NSD2: variants seen among roughly 807,000 people sequenced by gnomAD.
NSD2 encodes the protein histone-lysine N-methyltransferase NSD2.
Under a neutral mutation model 139.0 loss-of-function variants are expected in NSD2, and 12 were observed. The ratio of observed to expected loss-of-function variants is 0.09; its 90% CI spans 0.06 to 0.14. The LOEUF is 0.14. Ranked by LOEUF, NSD2 falls within the 10% of genes least tolerant of loss-of-function variation. The pLI, the probability that NSD2 is intolerant of heterozygous loss-of-function variation, is 1.00. For synonymous variants in NSD2, 669 were observed against 648.7 expected, an observed-to-expected ratio of 1.03 and a Z score of -0.48; for missense variants, 1,155 against 1,745.0, an observed-to-expected ratio of 0.66 and a Z score of 6.02.
intron 17 of NSD2, 94 bp from the exon 18 acceptor site, chr4:1,960,941 C>T: frequency 1.1e-6 from 1 of 904,632 alleles, no homozygotes; most frequent in South Asian, 1.5e-5. Context: ...TGTGTGGTGC[C>T]CGTTCTAAGT....
chr4:1,967,031 A>G (rs1373540140), intron 18 of NSD2, among the ~76,000 whole-genome samples: 2 of 152,218 alleles, frequency 1.3e-5, no homozygotes, highest in African/African-American at 4.8e-5. Flanking sequence ...CTTTAACTAG[A>G]TGGACTAGGA....
rs554492041 is a variant in NSD2, at chr4:1,979,474, G to C, written c.*565G>C. 1.3e-5 allele frequency: 3 copies of C among 233,098 alleles called. No individual in the cohort carries two copies. The highest frequency in any genetic ancestry group is 6.0e-5 in the East Asian group (1 of 16,588). The allele number at this position is 233,098 out of a possible 1,614,324, so 14.4% of individuals were successfully genotyped here. A position where few individuals can be genotyped will look rare whatever the true frequency, so the allele number is the denominator to read the frequency against. On this transcript the variant is annotated 3_prime_UTR_variant, in exon 22 of 22. Transcript: ENST00000508803. ...CTAATGTGAATTGTTCCTCAGAAAC[G>C]CTTCTTTTCCATCCTAGTGAGAAGC...
At position 1,981,235 on chromosome 4, in the gene NSD2, C is replaced by T. The variant is rs1156947763; in HGVS notation, c.*2326C>T. The T allele has an allele frequency of 1.7e-5, 4 of 233,130 alleles. No individual in the cohort carries two copies. Among genetic ancestry groups the T allele is most frequent in the African/African-American group, 4.4e-5 (2 of 45,316 alleles). The allele number at this position is 233,130 out of a possible 1,614,324, so 14.4% of individuals were successfully genotyped here. On this transcript the variant is annotated 3_prime_UTR_variant, in exon 22 of 22. Transcript: ENST00000508803. ...AACTGTTAAACTAATGAGCAAGTAA[C>T]ACTAACTTTGAATGTCTCTACAATA... is the stretch of plus-strand genomic sequence containing the variant.
chr4:1,950,893 T>A (rs1436784928), intron 9 of NSD2, among the ~76,000 whole-genome samples, 179 bp from the exon 10 acceptor site: 1 of 152,216 alleles, frequency 6.6e-6, no homozygotes, highest in African/African-American at 2.4e-5. Flanking sequence ...AATTGACGGG[T>A]TATATTATCA....
chr4:1,958,597 T>TCGTGGC lies in NSD2; in HGVS notation c.2985+565_2985+570dup, dbSNP rs1470753813. ...GCGGCAAGCCGCATCCCCAGGAGCC[T>TCGTGGC]CGTGGCCGTTCCTGACGAGTGTTTG... On this transcript the variant is annotated intron_variant, in intron 16 of 21. Coordinates refer to ENST00000508803, the MANE Select transcript of NSD2 (RefSeq NM_001042424.3). The surrounding 1 kb of genome is among the most constrained non-coding windows in gnomAD (Gnocchi z 4.6). 3.9e-5 allele frequency among the ~76,000 whole-genome samples: 6 copies of TCGTGGC among 152,354 alleles called. No individual in the cohort carries two copies. The East Asian group carries it at 1.2e-3, about 29-fold the overall frequency.
intron 1 of NSD2, chr4:1,893,783 G>A (rs1715867327): frequency 6.6e-6 from 1 of 152,256 alleles, no homozygotes; most frequent in South Asian, 2.1e-4. Flanking sequence ...GAGCTCAAGC[G>A]ATCTACCTGC....
Position 1,979,127 on chromosome 4 carries a change from T to G in NSD2, c.*218T>G. The stretch of plus-strand genomic sequence containing the variant: ...TGACCGTCTGAGCCCAGCTCAGCGT[T>G]CCTGGACAAACAGCCTCACTCCTCA... On this transcript the variant is annotated 3_prime_UTR_variant, in exon 22 of 22. Transcript: ENST00000508803. 2.1e-6 allele frequency: 1 copy of G among 483,930 alleles called. No individual in the cohort carries two copies. The highest frequency in any genetic ancestry group is 6.2e-5 in the South Asian group (1 of 16,100). The allele number at this position is 483,930 out of a possible 1,614,324, so 30.0% of individuals were successfully genotyped here.
At chr4:1,921,610 C>T (rs563055316) in intron 5 of NSD2, among the ~76,000 whole-genome samples, 8 of 151,894 alleles carry the variant, frequency 5.3e-5, no homozygotes, top group African/African-American at 1.4e-4. Flanking sequence ...GGTGAAACCC[C>T]GTCTCTACTA....
rs375999450 is a variant in NSD2, at chr4:1,898,480, C to T, written c.-29-2146C>T. Among the ~76,000 whole-genome samples the T allele has an allele frequency of 5.8e-3, 875 of 152,018 alleles. 6 individuals are homozygous for T. The highest frequency in any genetic ancestry group is 0.017 in the African/African-American group (695 of 41,482). ...GAGATCGAGACCATCCTGGGTAACACGGTGAAACCCCGTCTCTACTAAAAA... is the reference window on the plus strand; with the variant it reads ...GAGATCGAGACCATCCTGGGTAACATGGTGAAACCCCGTCTCTACTAAAAA... On this transcript the variant is annotated intron_variant, in intron 1 of 21. Coordinates refer to ENST00000508803, the MANE Select transcript of NSD2 (RefSeq NM_001042424.3).
At position 1,981,252 on chromosome 4, in the gene NSD2, T is replaced by C. The variant is rs1038986134; in HGVS notation, c.*2343T>C. The C allele has an allele frequency of 4.3e-6, 1 of 233,330 alleles. No homozygotes were observed. The highest frequency in any genetic ancestry group is 6.0e-5 in the East Asian group (1 of 16,588). The allele number at this position is 233,330 out of a possible 1,614,324, so 14.5% of individuals were successfully genotyped here. A position where few individuals can be genotyped will look rare whatever the true frequency, so the allele number is the denominator to read the frequency against. On this transcript the variant is annotated 3_prime_UTR_variant, in exon 22 of 22. Coordinates refer to ENST00000508803, the MANE Select transcript of NSD2 (RefSeq NM_001042424.3). ...GCAAGTAACACTAACTTTGAATGTC[T>C]CTACAATACCCGTTGATAACTCAGT...
chr4:1,940,319 G>C, intron 9 of NSD2: 1 of 1,071,458 alleles, frequency 9.3e-7, no homozygotes, highest in African/African-American at 1.6e-5. Flanking sequence ...TGAGTGTTGA[G>C]GTGAGTCAGA....
chr4:1,898,557 A>G (rs1416917481), intron 1 of NSD2, among the ~76,000 whole-genome samples: 5 of 151,270 alleles, frequency 3.3e-5, no homozygotes, highest in African/African-American at 7.3e-5. Flanking sequence ...CCAGCTACTC[A>G]GGAGGGTGAG....
intron 19 of NSD2, 75 bp from the exon 20 acceptor site, chr4:1,975,219 C>A: frequency 6.8e-7 from 1 of 1,480,314 alleles, no homozygotes; most frequent in Non-Finnish European, 9.4e-7. Flanking sequence ...TTTTTGTTGA[C>A]CTAATACACG....
chr4:1,910,890 C>CT (rs1221374496), intron 3 of NSD2, among the ~76,000 whole-genome samples: 2 of 152,188 alleles, frequency 1.3e-5, no homozygotes, highest in Non-Finnish European at 2.9e-5. Context: ...CATGCTTGTC[C>CT]TTTGTTTCCC....
At position 1,955,517 on chromosome 4, in the gene NSD2, T is replaced by A; in HGVS notation, c.2519-176T>A. The A allele has an allele frequency of 8.2e-7, 1 of 1,224,062 alleles. No homozygotes were observed. Among genetic ancestry groups the A allele is most frequent in the South Asian group, 1.6e-5 (1 of 62,156 alleles). 75.8% of individuals were successfully genotyped at this position (1,224,062 alleles called of 1,614,324 possible). A position where few individuals can be genotyped will look rare whatever the true frequency, so the allele number is the denominator to read the frequency against. ...ATTAATTGTAATCATTTCGCAAACATACAGGAAATTATTTGTGGTGAAAAT... is the reference window on the plus strand; with the variant it reads ...ATTAATTGTAATCATTTCGCAAACAAACAGGAAATTATTTGTGGTGAAAAT... On this transcript the variant is annotated intron_variant, in intron 13 of 21. Coordinates refer to ENST00000508803, the MANE Select transcript of NSD2 (RefSeq NM_001042424.3). This position sits in a 1 kb window ranked among gnomAD's most constrained non-coding sequence, Gnocchi z 4.7.
chr4:1,880,478 A>G (rs1470344455), intron 1 of NSD2, among the ~76,000 whole-genome samples: 2 of 152,162 alleles, frequency 1.3e-5, no homozygotes, highest in East Asian at 3.8e-4. Flanking sequence ...TTCATTGAGT[A>G]TCAGTTGTGT....
In NSD2 at chr4:1,979,371, G is replaced by A; in HGVS notation, c.*462G>A. On this transcript the variant is annotated 3_prime_UTR_variant, in exon 22 of 22. Coordinates refer to ENST00000508803, the MANE Select transcript of NSD2 (RefSeq NM_001042424.3). ...AGAGGCTGGGTGAGGCCCGTGTGAG[G>A]ACTGACCCTGGATTCCTCGAAACTG... 4.2e-6 allele frequency: 1 copy of A among 237,184 alleles called. No individual in the cohort carries two copies. Among genetic ancestry groups the A allele is most frequent in the East Asian group, 6.0e-5 (1 of 16,642 alleles). 14.7% of individuals were successfully genotyped at this position (237,184 alleles called of 1,614,324 possible).
At position 1,955,389 on chromosome 4, in the gene NSD2, A is replaced by C; in HGVS notation, c.2518+49A>C. 6.4e-7 allele frequency: 1 copy of C among 1,565,588 alleles called. No homozygotes were observed. Among genetic ancestry groups the C allele is most frequent in the Non-Finnish European group, 8.7e-7 (1 of 1,152,244 alleles). The stretch of plus-strand genomic sequence containing the variant: ...GGCACACGCCTCTCACACTCCCAGG[A>C]GCCACATATCAAGGCAGGCTCATTC... On this transcript the variant is annotated intron_variant, in intron 13 of 21. Coordinates refer to ENST00000508803, the MANE Select transcript of NSD2 (RefSeq NM_001042424.3). This position sits in a 1 kb window ranked among gnomAD's most constrained non-coding sequence, Gnocchi z 4.7.
intron 10 of NSD2, among the ~76,000 whole-genome samples, chr4:1,951,517 CACACACAA>C (rs1458095976): frequency 9.2e-5 from 12 of 130,032 alleles, no homozygotes; most frequent in South Asian, 2.5e-4. Context: ...CACACACACA[CACACACAA>C]AGTTCCTGTT....
Sources: allele counts gnomAD v4.1 joint callset (sites outside exome capture counted in the v4.1 genomes callset), GRCh38; gene constraint gnomAD v4.1.1; non-coding constraint Gnocchi (gnomAD v3.1); transcripts MANE v1.5; gene names NCBI Gene and HGNC (gene_info 2026-07-23, HGNC 2026-07-21).